Variants in ADAMTS18 observed in about 807,000 individuals in gnomAD.
ADAMTS18 encodes the protein ADAM metallopeptidase with thrombospondin type 1 motif 18.
ADAMTS18 carries 157 observed loss-of-function variants against 165.9 expected under a neutral mutation model. The ratio of observed to expected loss-of-function variants is 0.95; its 90% CI spans 0.83 to 1.08. ADAMTS18 has a LOEUF of 1.08. Ranked by LOEUF, ADAMTS18 falls within the 50% of genes least tolerant of loss-of-function variation. The pLI is 0.00. For missense variants in ADAMTS18, 2,040 were observed against 1,534.0 expected (o/e 1.33, Z -5.51); for synonymous variants, 782 against 578.2 (o/e 1.35, Z -5.06).
chr16:77,404,548 T>C (rs576590832), intron 3 of ADAMTS18, among the ~76,000 whole-genome samples: 4 of 152,268 alleles, frequency 2.6e-5, no homozygotes, highest in South Asian at 2.1e-4. Context: ...GAATCAACAC[T>C]GGAAATAAGA....
chr16:77,362,563 C>T (rs185677842), intron 6 of ADAMTS18, among the ~76,000 whole-genome samples: 228 of 152,288 alleles, frequency 1.5e-3, no homozygotes, highest in Admixed American at 2.5e-3. Flanking sequence ...AAAACCGTTA[C>T]AACTTTTAAA....
At chr16:77,319,698 C>T in intron 16 of ADAMTS18, 151 bp downstream of exon 16, 7 of 1,310,154 alleles carry the variant, frequency 5.3e-6, no homozygotes, top group Middle Eastern at 2.1e-4. Context: ...CCACCTCAGC[C>T]TCCCAAAGTG....
At chr16:77,353,671 T>C in intron 10 of ADAMTS18, 62 bp downstream of exon 10, 1 of 1,611,874 alleles carries the variant, frequency 6.2e-7, no homozygotes, top group East Asian at 2.2e-5. Flanking sequence ...TTTACACTTC[T>C]GTTAGGGACA....
intron 3 of ADAMTS18, among the ~76,000 whole-genome samples, chr16:77,385,471 T>C (rs1025320): frequency 0.71 from 107,911 of 152,020 alleles, 38,538 homozygotes; most frequent in Middle Eastern, 0.84. Flanking sequence ...TTGGAATCAG[T>C]GATGCTCTCC....
chr16:77,403,468 C>T (rs2057356231), intron 3 of ADAMTS18, among the ~76,000 whole-genome samples: 3 of 152,278 alleles, frequency 2.0e-5, no homozygotes, highest in Admixed American at 2.0e-4. Context: ...CACTACACAT[C>T]CCACTATGAT....
Position 77,367,509 on chromosome 16 carries a change from T to C in ADAMTS18, c.710A>G (p.Gln237Arg). The C allele has an allele frequency of 1.9e-6, 3 of 1,610,020 alleles. No individual in the cohort carries two copies. The highest frequency in any genetic ancestry group is 2.6e-6 in the Non-Finnish European group (3 of 1,176,228). The change falls in exon 4 of 23, where the codon CAG becomes CGG. Residue 237 changes from glutamine to arginine, a missense_variant. By Grantham distance (43) the Gln-to-Arg change is conservative. Transcript: ENST00000282849. ...YSPSHIPHASQSRETEYHHRR... is the reference protein window; with the variant it reads ...YSPSHIPHASRSRETEYHHRR... ...ATGGTGATACTCTGTCTCTCGACTC[T>C]GAGATGCATGGGGAATGTGACTTGG...
chr16:77,373,928 G>C (rs1247238485), intron 3 of ADAMTS18, among the ~76,000 whole-genome samples: 3 of 151,998 alleles, frequency 2.0e-5, no homozygotes, highest in Non-Finnish European at 2.9e-5. Context: ...GTAAATATTT[G>C]TTTCTCCAGG....
At chr16:77,409,916 T>C (rs1395425733) in intron 3 of ADAMTS18, among the ~76,000 whole-genome samples, 1 of 152,136 alleles carries the variant, frequency 6.6e-6, no homozygotes, top group African/African-American at 2.4e-5. Context: ...CTCCTGCTAA[T>C]ATTACCGTAC....
chr16:77,404,717 G>C (rs145503606), intron 3 of ADAMTS18, among the ~76,000 whole-genome samples: 207 of 152,244 alleles, frequency 1.4e-3, no homozygotes, highest in African/African-American at 4.6e-3. Flanking sequence ...CTCACAGAGT[G>C]CACTCTGTGA....
intron 3 of ADAMTS18, among the ~76,000 whole-genome samples, chr16:77,400,211 C>T (rs969924491): frequency 1.3e-5 from 2 of 152,144 alleles, no homozygotes; most frequent in East Asian, 1.9e-4. Context: ...CTGCAGTAGA[C>T]AGTTCAGGCT....
At chr16:77,348,116 TG>T (rs1180397390) in intron 10 of ADAMTS18, among the ~76,000 whole-genome samples, 1 of 152,170 alleles carries the variant, frequency 6.6e-6, no homozygotes, top group Non-Finnish European at 1.5e-5. Context: ...CAGGGCCTTT[TG>T]TTTTCCTGTA....
intron 16 of ADAMTS18, among the ~76,000 whole-genome samples, chr16:77,315,754 G>A (rs1181545505): frequency 6.6e-6 from 1 of 152,166 alleles, no homozygotes; most frequent in African/African-American, 2.4e-5. Context: ...GGATCCAAGT[G>A]CCCTGCTCAG....
Position 77,301,822 on chromosome 16 carries a change from C to T in ADAMTS18, c.2533-1418G>A, listed in dbSNP as rs1394979166. The stretch of plus-strand genomic sequence containing the variant: ...AGCAACAAAACAAATCTCGATGCCT[C>T]CTAGAAATAATCAAATGTTAATAGA... On this transcript the variant is annotated intron_variant, in intron 16 of 22. Transcript: ENST00000282849. Among the ~76,000 whole-genome samples, 3 of 152,202 alleles carry T rather than the reference C, an allele frequency of 2.0e-5. No homozygotes were observed. The East Asian group carries it at 5.8e-4, about 29-fold the overall frequency.
At chr16:77,361,083 T>A (rs2056706060) in intron 7 of ADAMTS18, among the ~76,000 whole-genome samples, 1 of 117,406 alleles carries the variant, frequency 8.5e-6, no homozygotes, top group South Asian at 3.0e-4. Flanking sequence ...CAAGACACCA[T>A]CTCAAAAAAA....
rs192226844 is a variant in ADAMTS18 at position 77,291,616 on chromosome 16, G to A, written c.3190-138C>T. 1.9e-4 allele frequency: 174 copies of A among 909,248 alleles called. No individual in the cohort carries two copies. The East Asian group carries it at 3.0e-3, about 15-fold the overall frequency. 56.3% of individuals were successfully genotyped at this position (909,248 alleles called of 1,614,324 possible). ...TACACAAGGTCAACCACACTCACTC[G>A]AGGATCTTACAGATACAGCAGCCAA... On this transcript the variant is annotated intron_variant, in intron 20 of 22. Coordinates refer to ENST00000282849, the MANE Select transcript of ADAMTS18 (RefSeq NM_199355.4).
intron 10 of ADAMTS18, among the ~76,000 whole-genome samples, chr16:77,352,668 G>C (rs1287606237): frequency 6.6e-6 from 1 of 152,086 alleles, no homozygotes; most frequent in African/African-American, 2.4e-5. Context: ...AGGAGGAATA[G>C]GGAGAGAAAG....
At chr16:77,434,582 G>A (rs1249473363) in intron 1 of ADAMTS18, 24 bp downstream of exon 1, 3 of 1,528,866 alleles carry the variant, frequency 2.0e-6, no homozygotes, top group Non-Finnish European at 2.6e-6. Flanking sequence ...ACCCGCTCTC[G>A]GAGCTCCGCT....
chr16:77,335,303 T>C lies in ADAMTS18; in HGVS notation c.1859+453A>G, dbSNP rs548907760. Among the ~76,000 whole-genome samples the C allele has an allele frequency of 1.5e-3, 217 of 148,732 alleles. 1 individual carries two copies. The highest frequency in any genetic ancestry group is 5.1e-3 in the African/African-American group (208 of 40,628). ...AAAAAAAAAATTGAACTCACAGAGCTAGAGCTAGAGAGTGCATTGACAGAG... is the reference window on the plus strand; with the variant it reads ...AAAAAAAAAATTGAACTCACAGAGCCAGAGCTAGAGAGTGCATTGACAGAG... On this transcript the variant is annotated intron_variant, in intron 12 of 22. Transcript: ENST00000282849.
At chr16:77,300,044 G>C in intron 17 of ADAMTS18, 1 of 531,110 alleles carries the variant, frequency 1.9e-6, no homozygotes, top group Non-Finnish European at 3.3e-6. Context: ...TAACTTTTGA[G>C]CCTTGGTTGT....
Sources: allele counts gnomAD v4.1 joint callset (sites outside exome capture counted in the v4.1 genomes callset), GRCh38; gene constraint gnomAD v4.1.1; transcripts MANE v1.5; gene names NCBI Gene and HGNC (gene_info 2026-07-23, HGNC 2026-07-21).